Variants in ITGA9 observed in about 807,000 individuals in gnomAD.
ITGA9 encodes the protein integrin subunit alpha 9.
In ITGA9, 56 loss-of-function variants were observed where a neutral mutation model predicts 127.8. The ratio of observed to expected loss-of-function variants is 0.44; its 90% CI spans 0.35 to 0.55. The LOEUF (loss-of-function observed/expected upper bound fraction) is 0.55. Among genes scored for constraint, ITGA9 ranks in the 20% least tolerant of loss-of-function variants. The pLI is 0.00. For synonymous variants in ITGA9, 508 were observed against 514.5 expected (o/e 0.99, Z 0.17); for missense variants, 1,196 against 1,347.1 (o/e 0.89, Z 1.76).
At position 37,452,525 on chromosome 3, in the gene ITGA9, G is replaced by T; in HGVS notation, c.151G>T (p.Ala51Ser). ...QGPADSFFGY[A>S]VLEHFHDNTR... Reference sequence around the variant, plus strand: ...CCCCGCTGACTCGTTCTTCGGCTACGCAGTTCTGGAGCATTTCCACGACAA... The same window carrying T: ...CCCCGCTGACTCGTTCTTCGGCTACTCAGTTCTGGAGCATTTCCACGACAA... The change falls in exon 1 of 28, where the codon GCA (alanine) becomes TCA (serine). Residue 51 changes from alanine (A) to serine (S), a missense_variant. Physicochemically the swap from Ala to Ser is moderately conservative, Grantham distance 99. Transcript: ENST00000264741. The surrounding 1 kb of genome is among the most constrained non-coding windows in gnomAD (Gnocchi z 7.3). The T allele has an allele frequency of 1.3e-6, 2 of 1,528,392 alleles. No homozygotes were observed. Among genetic ancestry groups the T allele is most frequent in the Non-Finnish European group, 8.8e-7 (1 of 1,137,884 alleles). The allele number at this position is 1,528,392 out of a possible 1,614,324, so 94.7% of individuals were successfully genotyped here.
chr3:37,715,560 G>A (rs537675334), intron 18 of ITGA9, among the ~76,000 whole-genome samples: 1 of 152,352 alleles, frequency 6.6e-6, no homozygotes, highest in African/African-American at 2.4e-5. Flanking sequence ...CAGACAAAGA[G>A]AAAACACATG....
rs553205054 is a variant in ITGA9 at position 37,652,676 on chromosome 3, T to C, written c.1840-1038T>C. Among the ~76,000 whole-genome samples the C allele has an allele frequency of 2.4e-4, 36 of 152,298 alleles. 1 individual carries two copies. The East Asian group carries it at 6.0e-3, about 25-fold the overall frequency. ...GGGCAGGGAAGAAATAACCTGGAAC[T>C]ACATTTTGGGGAAAAAACTCACGAA... On this transcript the variant is annotated intron_variant, in intron 16 of 27. Transcript: ENST00000264741.
chr3:37,710,736 C>G (rs1701070479), intron 18 of ITGA9, among the ~76,000 whole-genome samples: 1 of 152,204 alleles, frequency 6.6e-6, no homozygotes, highest in South Asian at 2.1e-4. Flanking sequence ...AGTTAAGATG[C>G]ATGGTGACCC....
rs1293110335 is a variant in ITGA9, at chr3:37,821,088, C to A, written c.*2099C>A. ...TGCAGGGAGATTACAGATGTAACCT[C>A]ATGCTTCTCTTCCTGGTGAACATGG... On this transcript the variant is annotated 3_prime_UTR_variant, in exon 28 of 28. Transcript: ENST00000264741. The A allele has an allele frequency of 6.6e-6, 1 of 152,160 alleles. No individual in the cohort carries two copies. Among genetic ancestry groups the A allele is most frequent in the Non-Finnish European group, 1.5e-5 (1 of 68,034 alleles). The allele number at this position is 152,160 out of a possible 1,614,324, so 9.4% of individuals were successfully genotyped here. A position where few individuals can be genotyped will look rare whatever the true frequency, so the allele number is the denominator to read the frequency against.
At chr3:37,514,846 G>A (rs539918740) in intron 9 of ITGA9, among the ~76,000 whole-genome samples, 15 of 152,154 alleles carry the variant, frequency 9.9e-5, no homozygotes, top group African/African-American at 3.4e-4. Context: ...GATTACAGAC[G>A]TGAGCCACCA....
intron 1 of ITGA9, among the ~76,000 whole-genome samples, chr3:37,454,759 C>G (rs892908818): frequency 6.6e-6 from 1 of 152,078 alleles, no homozygotes; most frequent in African/African-American, 2.4e-5. Flanking sequence ...TGTTCTCATG[C>G]TGTTGTTTTC....
intron 23 of ITGA9, among the ~76,000 whole-genome samples, chr3:37,768,279 T>C (rs897961101): frequency 2.0e-5 from 3 of 152,198 alleles, no homozygotes; most frequent in African/African-American, 7.2e-5. Context: ...AGCTATCTTA[T>C]TTATCTTTCT....
At chr3:37,746,321 A>G (rs1696500003) in intron 22 of ITGA9, among the ~76,000 whole-genome samples, 1 of 152,236 alleles carries the variant, frequency 6.6e-6, no homozygotes, top group Non-Finnish European at 1.5e-5. Context: ...ACACAGGAGA[A>G]AGGCAGAAAT....
intron 13 of ITGA9, among the ~76,000 whole-genome samples, chr3:37,532,429 C>T (rs1699161260): frequency 6.6e-6 from 1 of 152,244 alleles, no homozygotes; most frequent in African/African-American, 2.4e-5. Flanking sequence ...TCTCAAGCTA[C>T]TAATGCCCCT....
chr3:37,616,150 T>G (rs988456170), intron 15 of ITGA9, among the ~76,000 whole-genome samples: 1 of 152,206 alleles, frequency 6.6e-6, no homozygotes, highest in African/African-American at 2.4e-5. Context: ...GTCCCAGAGA[T>G]TCTGGTATGT....
intron 4 of ITGA9, among the ~76,000 whole-genome samples, chr3:37,489,940 T>C (rs116233422): frequency 0.013 from 1,999 of 152,306 alleles, 33 homozygotes; most frequent in African/African-American, 0.044. Context: ...GGGCAGGGGT[T>C]CTTATTCCTG....
At chr3:37,668,547 AT>A (rs1700606888) in intron 17 of ITGA9, among the ~76,000 whole-genome samples, 1 of 152,042 alleles carries the variant, frequency 6.6e-6, no homozygotes, top group Admixed American at 6.6e-5. Context: ...CCTTGCTAAG[AT>A]TTTTGCAGTT....
At chr3:37,545,391 T>C (rs1699316305) in intron 15 of ITGA9, among the ~76,000 whole-genome samples, 1 of 152,178 alleles carries the variant, frequency 6.6e-6, no homozygotes, top group South Asian at 2.1e-4. Flanking sequence ...CCTCTCCTTT[T>C]CCCTGGAAGT....
intron 15 of ITGA9, among the ~76,000 whole-genome samples, chr3:37,591,967 A>G (rs948044538): frequency 6.6e-6 from 1 of 152,184 alleles, no homozygotes; most frequent in Admixed American, 6.5e-5. Flanking sequence ...GAAGGCAAAT[A>G]TATAGAGTGG....
chr3:37,822,237 A>C lies in ITGA9; in HGVS notation c.*3248A>C, dbSNP rs1697523271. ...TAGTTGAATCTTCAATGTGGTTTTA[A>C]CCAACTGTTCAGAGAACTGAAATGG... On this transcript the variant is annotated 3_prime_UTR_variant, in exon 28 of 28. Coordinates refer to ENST00000264741, the MANE Select transcript of ITGA9 (RefSeq NM_002207.3). 1 of 152,122 alleles carries C rather than the reference A, an allele frequency of 6.6e-6. No individual in the cohort carries two copies. The highest frequency in any genetic ancestry group is 2.1e-4 in the South Asian group (1 of 4,824). The allele number at this position is 152,122 out of a possible 1,614,324, so 9.4% of individuals were successfully genotyped here.
chr3:37,670,125 T>TC (rs11459435), intron 17 of ITGA9, among the ~76,000 whole-genome samples: 1,886 of 151,924 alleles, frequency 0.012, 40 homozygotes, highest in African/African-American at 0.043. Context: ...TTTTTTTTTT[T>TC]CTGGTGCTAA....
At chr3:37,602,328 C>A (rs1431464854) in intron 15 of ITGA9, among the ~76,000 whole-genome samples, 2 of 152,088 alleles carry the variant, frequency 1.3e-5, no homozygotes, top group Non-Finnish European at 2.9e-5. Context: ...AACTAACATT[C>A]ACTGTGGACT....
chr3:37,810,772 A>G (rs907227834), intron 27 of ITGA9, among the ~76,000 whole-genome samples: 18 of 152,216 alleles, frequency 1.2e-4, no homozygotes, highest in Non-Finnish European at 2.5e-4. Flanking sequence ...AGCTTCAGCA[A>G]AGCCCTGAAG....
At chr3:37,802,269 A>AGAG (rs1697244409) in intron 26 of ITGA9, among the ~76,000 whole-genome samples, 3 of 152,224 alleles carry the variant, frequency 2.0e-5, no homozygotes, top group African/African-American at 7.2e-5. Context: ...TAAGTGTTAG[A>AGAG]GAGGGATGGA....
Sources: gnomAD v4.1 joint callset for allele counts (sites outside exome capture counted in the v4.1 genomes callset) on GRCh38, gnomAD v4.1.1 for gene constraint, Gnocchi (gnomAD v3.1) non-coding constraint, MANE v1.5 for transcripts, NCBI Gene and HGNC (gene_info 2026-07-23, HGNC 2026-07-21) for gene names.